PRKG1: variants seen among roughly 807,000 people sequenced by gnomAD.
PRKG1 encodes the protein cGMP-dependent protein kinase 1.
Under a neutral mutation model 88.1 loss-of-function variants are expected in PRKG1, and 35 were observed. That is an observed-to-expected ratio of 0.40 (90% confidence interval 0.30 to 0.53). The LOEUF (loss-of-function observed/expected upper bound fraction) is 0.53, where lower values mean the gene tolerates loss of function less well. PRKG1 is among the 20% of genes least tolerant of loss of function. The pLI, the probability that PRKG1 is intolerant of heterozygous loss-of-function variation, is 0.59. For missense variants in PRKG1, 540 were observed against 839.8 expected (o/e 0.64, Z 4.41); for synonymous variants, 303 against 292.5 (o/e 1.04, Z -0.37).
At chr10:51,762,106 A>C (rs542935196) in intron 3 of PRKG1, among the ~76,000 whole-genome samples, 1 of 152,342 alleles carries the variant, frequency 6.6e-6, no homozygotes, top group African/African-American at 2.4e-5. Flanking sequence ...TTATAGAAGC[A>C]GATATAAGAA....
At chr10:52,126,550 T>C (rs569847563) in intron 7 of PRKG1, among the ~76,000 whole-genome samples, 55 of 152,308 alleles carry the variant, frequency 3.6e-4, no homozygotes, top group Admixed American at 1.0e-3. Flanking sequence ...GTTGCTACAT[T>C]GCCCAGGCTG....
chr10:52,091,649 G>A (rs1416352113), intron 7 of PRKG1, among the ~76,000 whole-genome samples: 1 of 152,168 alleles, frequency 6.6e-6, no homozygotes, highest in Non-Finnish European at 1.5e-5. Flanking sequence ...CATCATGTTG[G>A]TTTTCATCAG....
chr10:52,106,466 G>GT lies in PRKG1; in HGVS notation c.936-27373dup, dbSNP rs551561672. On this transcript the variant is annotated intron_variant, in intron 7 of 17. Transcript: ENST00000373980. Reference sequence around the variant, plus strand: ...CAGGTTGGTGAGAACAGTAACTTATGTATATTAAATCCTTCGGGAACAGCA... The same window carrying GT: ...CAGGTTGGTGAGAACAGTAACTTATGTTATATTAAATCCTTCGGGAACAGCA... 1.2e-3 allele frequency among the ~76,000 whole-genome samples: 186 copies of GT among 152,116 alleles called. 1 individual carries two copies. Among genetic ancestry groups the GT allele is most frequent in the African/African-American group, 4.3e-3 (177 of 41,484 alleles).
chr10:52,012,986 C>G (rs1230703560), intron 5 of PRKG1, among the ~76,000 whole-genome samples: 1 of 152,138 alleles, frequency 6.6e-6, no homozygotes, highest in African/African-American at 2.4e-5. Flanking sequence ...ATGTCACATT[C>G]AGTATTAGAG....
chr10:51,716,536 C>T (rs1050685812), intron 3 of PRKG1, among the ~76,000 whole-genome samples: 5 of 152,152 alleles, frequency 3.3e-5, no homozygotes, highest in Admixed American at 2.6e-4. Flanking sequence ...ACCTTAATAA[C>T]CCAGCACTCC....
Position 51,344,122 on chromosome 10 carries a change from G to T in PRKG1, c.479-123601G>T, listed in dbSNP as rs1179060619. 2.6e-5 allele frequency among the ~76,000 whole-genome samples: 4 copies of T among 152,320 alleles called. No homozygotes were observed. In the East Asian group the frequency reaches 7.7e-4, roughly 29 times the overall value. On this transcript the variant is annotated intron_variant, in intron 2 of 17. Coordinates refer to ENST00000373980, the MANE Select transcript of PRKG1 (RefSeq NM_006258.4). Reference sequence around the variant, plus strand: ...AGAGGTTTAACTTGCTCATGGTTCTGCAGGCTGTACAGGAAGCATGAGGCT... The same window carrying T: ...AGAGGTTTAACTTGCTCATGGTTCTTCAGGCTGTACAGGAAGCATGAGGCT...
chr10:51,880,705 A>C (rs924427745), intron 4 of PRKG1, among the ~76,000 whole-genome samples: 16 of 152,198 alleles, frequency 1.1e-4, no homozygotes, highest in Admixed American at 8.5e-4. Flanking sequence ...TCCCCAGTAA[A>C]ACCTCACACT....
intron 2 of PRKG1, among the ~76,000 whole-genome samples, chr10:51,435,205 A>C (rs1838886223): frequency 6.6e-6 from 1 of 152,088 alleles, no homozygotes; most frequent in Non-Finnish European, 1.5e-5. Flanking sequence ...TGGCATGACA[A>C]ATTGATAAAC....
At chr10:51,153,127 T>A (rs1468656510) in intron 1 of PRKG1, 37 bp from the exon 2 acceptor site, 4 of 1,594,984 alleles carry the variant, frequency 2.5e-6, no homozygotes, top group Admixed American at 3.4e-5. Context: ...AAAGAGCTTG[T>A]CAGATGTGCC....
At chr10:52,149,664 G>A (rs533073682) in intron 8 of PRKG1, among the ~76,000 whole-genome samples, 18 of 150,336 alleles carry the variant, frequency 1.2e-4, no homozygotes, top group African/African-American at 3.9e-4. Context: ...ACCAAACCTG[G>A]TGGCTCCTTG....
chr10:51,524,715 T>A (rs1170374604), intron 3 of PRKG1, among the ~76,000 whole-genome samples: 1 of 152,234 alleles, frequency 6.6e-6, no homozygotes, highest in Non-Finnish European at 1.5e-5. Context: ...GTGGGTGATG[T>A]ATAAACATTT....
At chr10:51,208,679 G>A (rs1052343639) in intron 2 of PRKG1, among the ~76,000 whole-genome samples, 21 of 152,296 alleles carry the variant, frequency 1.4e-4, no homozygotes, top group African/African-American at 5.1e-4. Flanking sequence ...GAGTACAGAG[G>A]ATGAAAGGGA....
In PRKG1 at chr10:51,801,129, G is replaced by A. The variant is rs190053605; in HGVS notation, c.593-3456G>A. Among the ~76,000 whole-genome samples, 563 of 152,028 alleles carry A rather than the reference G, an allele frequency of 3.7e-3. 4 individuals are homozygous for A. Among genetic ancestry groups the A allele is most frequent in the Non-Finnish European group, 6.6e-3 (450 of 67,976 alleles). ...TTATCCCTTCATTTGTTTTTCTCTTGTACTAGACCAGGAATCAGCAAGTAT... is the reference window on the plus strand; with the variant it reads ...TTATCCCTTCATTTGTTTTTCTCTTATACTAGACCAGGAATCAGCAAGTAT... On this transcript the variant is annotated intron_variant, in intron 3 of 17. Transcript: ENST00000373980.
intron 7 of PRKG1, among the ~76,000 whole-genome samples, chr10:52,091,836 G>A (rs1440361698): frequency 6.6e-6 from 1 of 152,172 alleles, no homozygotes; most frequent in Non-Finnish European, 1.5e-5. Context: ...AAACCTTAAT[G>A]CACATTCATG....
intron 3 of PRKG1, among the ~76,000 whole-genome samples, chr10:51,598,352 C>T (rs910595243): frequency 1.3e-5 from 2 of 152,202 alleles, no homozygotes; most frequent in African/African-American, 4.8e-5. Context: ...CAGCCCACTG[C>T]AACCTCCGCC....
At chr10:52,175,100 A>G (rs1195732010) in intron 9 of PRKG1, among the ~76,000 whole-genome samples, 1 of 152,008 alleles carries the variant, frequency 6.6e-6, no homozygotes, top group Non-Finnish European at 1.5e-5. Context: ...TCTAGCTGCA[A>G]TTCTGTGTCC....
chr10:51,003,772 A>G (rs1034853553), intron 1 of PRKG1, among the ~76,000 whole-genome samples: 1 of 152,212 alleles, frequency 6.6e-6, no homozygotes, highest in African/African-American at 2.4e-5. Flanking sequence ...GAGAGAACTC[A>G]CCTGCTTATT....
intron 2 of PRKG1, among the ~76,000 whole-genome samples, chr10:51,331,199 G>A (rs576931348): frequency 1.8e-4 from 28 of 152,152 alleles, no homozygotes; most frequent in South Asian, 6.2e-4. Context: ...TAGAAACATC[G>A]GTCAGAGGTA....
chr10:52,219,658 A>T (rs1361192832), intron 9 of PRKG1, among the ~76,000 whole-genome samples: 2 of 152,224 alleles, frequency 1.3e-5, no homozygotes, highest in African/African-American at 4.8e-5. Context: ...GTGTTGAATA[A>T]CTAACAATTA....
Sources: allele counts gnomAD v4.1 joint callset (sites outside exome capture counted in the v4.1 genomes callset), GRCh38; gene constraint gnomAD v4.1.1; transcripts MANE v1.5; gene names NCBI Gene and HGNC (gene_info 2026-07-23, HGNC 2026-07-21).